Variants in CADM4 observed in about 807,000 individuals in gnomAD.
The protein encoded by CADM4 is cell adhesion molecule 4, also known as TSLC1-like 2.
A neutral mutation model predicts 43.9 loss-of-function variants in CADM4; 13 were observed. That is an observed-to-expected ratio of 0.30 (90% confidence interval 0.19 to 0.47). The LOEUF (loss-of-function observed/expected upper bound fraction) is 0.47, where lower values mean the gene tolerates loss of function less well. Among genes scored for constraint, CADM4 ranks in the 20% least tolerant of loss-of-function variants. The pLI is 1.00. For synonymous variants in CADM4, 209 were observed against 220.9 expected (o/e 0.95, Z 0.48); for missense variants, 420 against 527.0 (o/e 0.80, Z 1.99).
rs1973750014 is a variant in CADM4, at chr19:43,639,763, G to A, written c.28C>T (p.Pro10Ser). The A allele has an allele frequency of 2.9e-6, 3 of 1,026,604 alleles. No individual in the cohort carries two copies. The highest frequency in any genetic ancestry group is 9.7e-5 in the Admixed American group (2 of 20,644). The allele number at this position is 1,026,604 out of a possible 1,614,324, so 63.6% of individuals were successfully genotyped here. The change falls in exon 1 of 9, where the codon CCG becomes TCG. Residue 10 changes from proline to serine, a missense_variant. Pro to Ser is a moderately conservative substitution (Grantham distance 74, BLOSUM62 -1). Coordinates refer to ENST00000222374, the MANE Select transcript of CADM4 (RefSeq NM_145296.2). ...GCGGCCGCCCACAGCAGCAGCAGCG[G>A]CCACTGGAAGCGCCGGGCCCGGCCC... is the stretch of plus-strand genomic sequence containing the variant. The part of the protein sequence containing the change: MGRARRFQW[P>S]LLLLWAAAAG...
chr19:43,629,227 C>A (rs921487511), intron 1 of CADM4, among the ~76,000 whole-genome samples: 21 of 152,256 alleles, frequency 1.4e-4, no homozygotes, highest in African/African-American at 5.1e-4. Flanking sequence ...TAGAGGAGGG[C>A]AGAATCACAA....
chr19:43,626,716 C>T lies in CADM4; in HGVS notation c.499+68G>A. ...TCTGTGAAAACCTGTGGCTCCTCTC[C>T]ACATATAAACAACCTCTCCTAAGTC... On this transcript the variant is annotated intron_variant, in intron 4 of 8. Transcript: ENST00000222374. The surrounding 1 kb of genome is among the most constrained non-coding windows in gnomAD (Gnocchi z 5.9). 6.7e-7 allele frequency: 1 copy of T among 1,486,456 alleles called. No homozygotes were observed. Among genetic ancestry groups the T allele is most frequent in the Non-Finnish European group, 9.0e-7 (1 of 1,115,076 alleles). The allele number at this position is 1,486,456 out of a possible 1,614,324, so 92.1% of individuals were successfully genotyped here. A position where few individuals can be genotyped will look rare whatever the true frequency, so the allele number is the denominator to read the frequency against.
chr19:43,638,651 T>C (rs1472259825), intron 1 of CADM4, among the ~76,000 whole-genome samples: 1 of 152,114 alleles, frequency 6.6e-6, no homozygotes, highest in Admixed American at 6.5e-5. Context: ...TCACAGTGTG[T>C]GATGAGGGTA....
At chr19:43,631,664 C>T (rs541577037) in intron 1 of CADM4, among the ~76,000 whole-genome samples, 1 of 152,328 alleles carries the variant, frequency 6.6e-6, no homozygotes, top group African/African-American at 2.4e-5. Context: ...GGAGGACTTC[C>T]TGAAACAGGT....
chr19:43,634,203 G>A (rs1568543782), intron 1 of CADM4, among the ~76,000 whole-genome samples: 4 of 152,186 alleles, frequency 2.6e-5, no homozygotes, highest in Non-Finnish European at 5.9e-5. Flanking sequence ...TGAAGCTCAG[G>A]GAGCCCTCTC....
At position 43,627,388 on chromosome 19, in the gene CADM4, G is replaced by A. The variant is rs989449435; in HGVS notation, c.212-70C>T. ...CTCACAAGTCCCACCCTTCCGACAG[G>A]AGCTTAGAGTCCAGCCCTCTGCCTC... On this transcript the variant is annotated intron_variant, in intron 2 of 8. Transcript: ENST00000222374. The surrounding 1 kb of genome is among the most constrained non-coding windows in gnomAD (Gnocchi z 4.0). The A allele has an allele frequency of 8.1e-6, 12 of 1,488,810 alleles. No individual in the cohort carries two copies. Among genetic ancestry groups the A allele is most frequent in the Non-Finnish European group, 9.9e-6 (11 of 1,111,932 alleles). 92.2% of individuals were successfully genotyped at this position (1,488,810 alleles called of 1,614,324 possible).
chr19:43,633,978 G>C (rs2146155879), intron 1 of CADM4, among the ~76,000 whole-genome samples: 1 of 152,010 alleles, frequency 6.6e-6, no homozygotes, highest in African/African-American at 2.4e-5. Context: ...TTATAGGCAT[G>C]AGCCATTGCA....
intron 7 of CADM4, 129 bp downstream of exon 7, chr19:43,624,949 T>C (rs1973497191): frequency 9.6e-7 from 1 of 1,043,076 alleles, no homozygotes; most frequent in Admixed American, 2.9e-5. Flanking sequence ...CGCGGGCCAG[T>C]CTGGTCCCAA....
intron 1 of CADM4, among the ~76,000 whole-genome samples, chr19:43,632,567 G>A (rs1019270480): frequency 2.6e-5 from 4 of 151,998 alleles, no homozygotes; most frequent in African/African-American, 4.8e-5. Context: ...CTCTGGGCTC[G>A]CTAGCCTTGC....
At chr19:43,637,211 T>A (rs189863473) in intron 1 of CADM4, among the ~76,000 whole-genome samples, 1 of 152,190 alleles carries the variant, frequency 6.6e-6, no homozygotes, top group East Asian at 1.9e-4. Context: ...AACATGTTTT[T>A]AAAATGGCGC....
intron 1 of CADM4, among the ~76,000 whole-genome samples, chr19:43,628,154 G>A (rs2270075): frequency 0.23 from 34,842 of 151,796 alleles, 4,256 homozygotes; most frequent in South Asian, 0.27. Context: ...GGCTGAGCGC[G>A]GTGGCTCATG....
At chr19:43,639,650 C>T in intron 1 of CADM4, 77 bp downstream of exon 1, 18 of 869,918 alleles carry the variant, frequency 2.1e-5, no homozygotes, top group Non-Finnish European at 2.3e-5. Flanking sequence ...GCCTCTGCGG[C>T]CCCGAGGCTG....
At chr19:43,636,985 CT>C (rs1283870683) in intron 1 of CADM4, among the ~76,000 whole-genome samples, 1 of 152,160 alleles carries the variant, frequency 6.6e-6, no homozygotes, top group Non-Finnish European at 1.5e-5. Context: ...AATAGCCTCT[CT>C]ATTCTTTCTT....
Position 43,623,987 on chromosome 19 carries a change from C to T in CADM4, c.1057+127G>A, listed in dbSNP as rs941509904. The T allele has an allele frequency of 3.3e-6, 4 of 1,195,788 alleles. No homozygotes were observed. Among genetic ancestry groups the T allele is most frequent in the Non-Finnish European group, 4.7e-6 (4 of 845,504 alleles). The allele number at this position is 1,195,788 out of a possible 1,614,324, so 74.1% of individuals were successfully genotyped here. A position where few individuals can be genotyped will look rare whatever the true frequency, so the allele number is the denominator to read the frequency against. On this transcript the variant is annotated intron_variant, in intron 8 of 8. Transcript: ENST00000222374. The surrounding 1 kb of genome is among the most constrained non-coding windows in gnomAD (Gnocchi z 4.4). ...GCCCCGCCCCCTTTGTCATCTCCGC[C>T]CCCGGTGCGGCGGGATTTGGAATCC...
chr19:43,630,888 A>G (rs1012450205), intron 1 of CADM4, among the ~76,000 whole-genome samples: 6 of 152,206 alleles, frequency 3.9e-5, no homozygotes, highest in African/African-American at 1.4e-4. Flanking sequence ...AGTGCTGGAT[A>G]ACTATCCATG....
intron 1 of CADM4, 43 bp downstream of exon 1, chr19:43,639,684 C>G (rs1054829906): frequency 4.1e-6 from 4 of 974,822 alleles, no homozygotes; most frequent in Non-Finnish European, 4.9e-6. Flanking sequence ...ACAGCGCGCC[C>G]CCCGCCCCAG....
chr19:43,638,385 A>G (rs1439078567), intron 1 of CADM4, among the ~76,000 whole-genome samples: 1 of 152,262 alleles, frequency 6.6e-6, no homozygotes, highest in Non-Finnish European at 1.5e-5. Flanking sequence ...GCAAGAGCCA[A>G]GATTTAAGCC....
chr19:43,637,640 G>A (rs746094893), intron 1 of CADM4, among the ~76,000 whole-genome samples: 58 of 152,246 alleles, frequency 3.8e-4, no homozygotes, highest in Non-Finnish European at 6.6e-4. Context: ...ATCAAACGAG[G>A]GACAGGGCTG....
At chr19:43,634,928 C>T (rs1285400715) in intron 1 of CADM4, among the ~76,000 whole-genome samples, 1 of 151,916 alleles carries the variant, frequency 6.6e-6, no homozygotes, top group African/African-American at 2.4e-5. Flanking sequence ...CTCAGGTTCC[C>T]GAAATCCAGA....
Sources: gnomAD v4.1 joint callset for allele counts (sites outside exome capture counted in the v4.1 genomes callset) on GRCh38, gnomAD v4.1.1 for gene constraint, Gnocchi (gnomAD v3.1) non-coding constraint, MANE v1.5 for transcripts, NCBI Gene and HGNC (gene_info 2026-07-23, HGNC 2026-07-21) for gene names.